Variants in PCCA observed in about 807,000 individuals in gnomAD.
PCCA encodes propionyl-CoA carboxylase subunit alpha.
A neutral mutation model predicts 101.3 loss-of-function variants in PCCA; 74 were observed. That is an observed-to-expected ratio of 0.73 (90% CI 0.61 to 0.89). The LOEUF is 0.89. PCCA is among the 40% of genes least tolerant of loss of function. The probability of loss-of-function intolerance (pLI) is 0.00; values close to 1 mark genes in which losing one functional copy is unlikely to be tolerated. For missense variants in PCCA, 891 were observed against 907.0 expected, an observed-to-expected ratio of 0.98 and a Z score of 0.23; for synonymous variants, 294 against 313.6, an observed-to-expected ratio of 0.94 and a Z score of 0.66.
At chr13:100,152,528 G>A (rs958640647) in intron 4 of PCCA, among the ~76,000 whole-genome samples, 4 of 151,956 alleles carry the variant, frequency 2.6e-5, no homozygotes, top group African/African-American at 9.7e-5. Flanking sequence ...CTCACTGCAA[G>A]CTCCGCCTCC....
At chr13:100,276,105 G>A (rs1388680690) in intron 12 of PCCA, among the ~76,000 whole-genome samples, 1 of 151,276 alleles carries the variant, frequency 6.6e-6, no homozygotes, top group Non-Finnish European at 1.5e-5. Flanking sequence ...GCTGTGGGCC[G>A]TGGCTCACCC....
intron 18 of PCCA, among the ~76,000 whole-genome samples, chr13:100,356,344 T>G (rs1414617355): frequency 3.3e-5 from 5 of 152,124 alleles, no homozygotes; most frequent in Non-Finnish European, 4.4e-5. Context: ...TGGGAGACAA[T>G]ATTTGCAAAT....
In PCCA at chr13:100,102,960, A is replaced by G. The variant is rs1407957966; in HGVS notation, c.183A>G (p.Lys61=). The change falls in exon 2 of 24, where the codon AAA becomes AAG. Residue 61 remains lysine, a splice_region_variant and synonymous_variant. Coordinates refer to ENST00000376285, the MANE Select transcript of PCCA (RefSeq NM_000282.4). ...LGSVGYDPNE[K]TFDKILVANR... The stretch of plus-strand genomic sequence containing the variant: ...CAGTGGGATATGATCCTAATGAAAA[A>G]GTAAGTATTTAAAAGATATTCTCAA... 3 of 1,575,248 alleles carry G rather than the reference A, an allele frequency of 1.9e-6. No individual in the cohort carries two copies. The highest frequency in any genetic ancestry group is 1.7e-5 in the Admixed American group (1 of 59,970).
At chr13:100,102,577 C>T (rs1335981967) in intron 1 of PCCA, among the ~76,000 whole-genome samples, 1 of 152,200 alleles carries the variant, frequency 6.6e-6, no homozygotes, top group Non-Finnish European at 1.5e-5. Context: ...TGGTCTGTGA[C>T]ATTTCTGACC....
At chr13:100,371,173 G>A (rs1365675554) in intron 19 of PCCA, among the ~76,000 whole-genome samples, 1 of 152,060 alleles carries the variant, frequency 6.6e-6, no homozygotes, top group Middle Eastern at 3.2e-3. Context: ...ATGATGCTGT[G>A]TGTCCTTTCT....
intron 5 of PCCA, among the ~76,000 whole-genome samples, 174 bp from the exon 6 acceptor site, chr13:100,157,113 A>C (rs2053966535): frequency 6.6e-6 from 1 of 152,216 alleles, no homozygotes; most frequent in Non-Finnish European, 1.5e-5. Flanking sequence ...AGTTTCTTGG[A>C]ATTTGATTCT....
chr13:100,288,079 CTGTT>C (rs1295404292), intron 12 of PCCA, among the ~76,000 whole-genome samples: 2 of 151,872 alleles, frequency 1.3e-5, no homozygotes, highest in Non-Finnish European at 2.9e-5. Flanking sequence ...AAAATTGAAT[CTGTT>C]TGATTAAGAA....
At chr13:100,447,241 G>A (rs555652486) in intron 20 of PCCA, among the ~76,000 whole-genome samples, 21 of 152,048 alleles carry the variant, frequency 1.4e-4, no homozygotes, top group Admixed American at 2.6e-4. Flanking sequence ...AAAATTAGCC[G>A]GGCATGGTGG....
chr13:100,089,555 T>C (rs546354632), intron 1 of PCCA, among the ~76,000 whole-genome samples: 2 of 152,336 alleles, frequency 1.3e-5, no homozygotes, highest in South Asian at 2.1e-4. Context: ...CCCCGCGGCA[T>C]TGGCTTTGTC....
chr13:100,110,232 C>CT (rs1427938579), intron 2 of PCCA, among the ~76,000 whole-genome samples: 1 of 152,132 alleles, frequency 6.6e-6, no homozygotes, highest in East Asian at 1.9e-4. Context: ...ATAACTGACA[C>CT]TTTTTTTCTG....
chr13:100,437,416 A>G (rs1173158211), intron 20 of PCCA, among the ~76,000 whole-genome samples: 2 of 145,616 alleles, frequency 1.4e-5, no homozygotes, highest in African/African-American at 2.6e-5. Context: ...AAAATAATTA[A>G]AAGTTCTCTT....
rs956852277 is a variant in PCCA at position 100,151,193 on chromosome 13, A to G, written c.301-3786A>G. 3.3e-5 allele frequency: 22 copies of G among 667,924 alleles called. No homozygotes were observed. In the African/African-American group the frequency reaches 3.8e-4, roughly 12 times the overall value. The allele number at this position is 667,924 out of a possible 1,614,324, so 41.4% of individuals were successfully genotyped here. On this transcript the variant is annotated intron_variant, in intron 4 of 23. Coordinates refer to ENST00000376285, the MANE Select transcript of PCCA (RefSeq NM_000282.4). Reference sequence around the variant, plus strand: ...AGATGATTTTTCTCAGTCCTGTAAGATGAAAAACACATCTGTTGTTCTAGT... The same window carrying G: ...AGATGATTTTTCTCAGTCCTGTAAGGTGAAAAACACATCTGTTGTTCTAGT...
chr13:100,404,127 T>C (rs573692162), intron 19 of PCCA, among the ~76,000 whole-genome samples: 70 of 152,280 alleles, frequency 4.6e-4, no homozygotes, highest in African/African-American at 1.4e-3. Flanking sequence ...CATTTGGAGT[T>C]TGATGGCCTG....
In PCCA at chr13:100,464,255, T is replaced by C. The variant is rs185895321; in HGVS notation, c.1899+14950T>C. Among the ~76,000 whole-genome samples, 4 of 152,282 alleles carry C rather than the reference T, an allele frequency of 2.6e-5. No individual in the cohort carries two copies. The East Asian group carries it at 7.7e-4, about 29-fold the overall frequency. On this transcript the variant is annotated intron_variant, in intron 21 of 23. Transcript: ENST00000376285. ...GGGGTGGGGGAGGAATAAGTAGAGT[T>C]TGTCTTCCTGCATTTGAATCGCAGA...
chr13:100,093,331 C>T (rs750720595), intron 1 of PCCA, among the ~76,000 whole-genome samples: 15 of 151,976 alleles, frequency 9.9e-5, no homozygotes, highest in Non-Finnish European at 1.8e-4. Flanking sequence ...ATAAATGCTT[C>T]GTTTTATAAC....
At chr13:100,100,516 G>A (rs1228308316) in intron 1 of PCCA, among the ~76,000 whole-genome samples, 2 of 152,198 alleles carry the variant, frequency 1.3e-5, no homozygotes, top group Non-Finnish European at 1.5e-5. Context: ...AACAACAAAC[G>A]TTAAAATTCT....
intron 7 of PCCA, among the ~76,000 whole-genome samples, chr13:100,234,321 GT>G (rs1414016522): frequency 6.6e-6 from 1 of 152,138 alleles, no homozygotes; most frequent in African/African-American, 2.4e-5. Context: ...TTAAGCTAAA[GT>G]TTGGAGAATG....
In PCCA at chr13:100,094,472, T is replaced by G. The variant is rs552937356; in HGVS notation, c.105+5247T>G. On this transcript the variant is annotated intron_variant, in intron 1 of 23. Coordinates refer to ENST00000376285, the MANE Select transcript of PCCA (RefSeq NM_000282.4). ...TTTCGTTAGAAAAAACCCCACAAACTGATGGGATCAACCTAATAAGATCAA... is the reference window on the plus strand; with the variant it reads ...TTTCGTTAGAAAAAACCCCACAAACGGATGGGATCAACCTAATAAGATCAA... 2.0e-5 allele frequency among the ~76,000 whole-genome samples: 3 copies of G among 152,318 alleles called. No individual in the cohort carries two copies. The South Asian group carries it at 6.2e-4, about 32-fold the overall frequency.
At chr13:100,285,714 A>G (rs1221808248) in intron 12 of PCCA, among the ~76,000 whole-genome samples, 1 of 152,140 alleles carries the variant, frequency 6.6e-6, no homozygotes, top group Non-Finnish European at 1.5e-5. Context: ...TTTCTCCCAG[A>G]GGATGGGGAA....
Sources: allele counts gnomAD v4.1 joint callset (sites outside exome capture counted in the v4.1 genomes callset), GRCh38; gene constraint gnomAD v4.1.1; transcripts MANE v1.5; gene names NCBI Gene and HGNC (gene_info 2026-07-23, HGNC 2026-07-21).